Variants in MAMDC4 observed in about 807,000 individuals in gnomAD.
The protein encoded by MAMDC4 is apical endosomal glycoprotein.
MAMDC4 carries 168 observed loss-of-function variants against 153.3 expected under a neutral mutation model. The observed-to-expected ratio is 1.10, with a 90% confidence interval of 0.97 to 1.25. The LOEUF is 1.25. Among genes scored for constraint, MAMDC4 ranks in the 50% most tolerant of loss-of-function variants. MAMDC4 has a pLI of 0.00. For missense variants in MAMDC4, 1,701 were observed against 1,542.8 expected, an observed-to-expected ratio of 1.10 and a Z score of -1.72; for synonymous variants, 744 against 651.5, an observed-to-expected ratio of 1.14 and a Z score of -2.16.
rs771179244 is a variant in MAMDC4 at position 136,853,334 on chromosome 9, C to T, written c.204C>T (p.Phe68=). 1.7e-5 allele frequency: 28 copies of T among 1,605,602 alleles called. No individual in the cohort carries two copies. Among genetic ancestry groups the T allele is most frequent in the Admixed American group, 1.5e-4 (9 of 59,690 alleles). The part of the protein sequence containing the change: ...PTLGAPFACD[F]EQDPCGWRDI... ...TGGGCGCCCCCTTCGCCTGTGACTTCGAGCAGGACCCCTGCGGCTGGCGGG... is the reference window on the plus strand; with the variant it reads ...TGGGCGCCCCCTTCGCCTGTGACTTTGAGCAGGACCCCTGCGGCTGGCGGG... The change falls in exon 3 of 27, where the codon TTC becomes TTT. Residue 68 remains phenylalanine, a synonymous_variant. Transcript: ENST00000317446.
chr9:136,859,522 C>G (rs1023157709), intron 25 of MAMDC4: 5 of 612,554 alleles, frequency 8.2e-6, no homozygotes, highest in African/African-American at 7.4e-5. Flanking sequence ...CTGGGCTGTC[C>G]CTGGGGTGCA....
chr9:136,858,308 C>T, intron 21 of MAMDC4, 32 bp downstream of exon 21: 1 of 1,600,660 alleles, frequency 6.2e-7, no homozygotes, highest in African/African-American at 1.3e-5. Flanking sequence ...CGGCCCTGCT[C>T]TGGGGTGCCT....
intron 1 of MAMDC4, among the ~76,000 whole-genome samples, chr9:136,852,857 T>C (rs1274391747): frequency 4.6e-5 from 7 of 152,156 alleles, no homozygotes; most frequent in Non-Finnish European, 1.0e-4. Context: ...GCTACCTTTC[T>C]TGGGGTGCCC....
At position 136,859,775 on chromosome 9, in the gene MAMDC4, G is replaced by T. The variant is rs369621977; in HGVS notation, c.3194-111G>T. ...AATACCCTCTGCCTTTGAAATAGGG[G>T]TGAACCCCAGGAGCCAGCAGAGGCT... On this transcript the variant is annotated intron_variant, in intron 25 of 26. Coordinates refer to ENST00000317446, the MANE Select transcript of MAMDC4 (RefSeq NM_206920.3). 3.6e-5 allele frequency: 42 copies of T among 1,162,622 alleles called. No individual in the cohort carries two copies. In the East Asian group the frequency reaches 8.6e-4, roughly 24 times the overall value. The allele number at this position is 1,162,622 out of a possible 1,614,324, so 72.0% of individuals were successfully genotyped here.
Position 136,856,830 on chromosome 9 carries a change from G to A in MAMDC4, c.1837+4G>A. On this transcript the variant is annotated splice_donor_region_variant and intron_variant, in intron 15 of 26. Coordinates refer to ENST00000317446, the MANE Select transcript of MAMDC4 (RefSeq NM_206920.3). ...CACGACCACACCACAGGCCAAGGTA[G>A]GATGGGCGCTCAGACCGGGGGTGGC... The A allele has an allele frequency of 6.2e-7, 1 of 1,612,442 alleles. No individual in the cohort carries two copies. The highest frequency in any genetic ancestry group is 1.1e-5 in the South Asian group (1 of 90,990).
intron 14 of MAMDC4, 119 bp downstream of exon 14, chr9:136,856,268 C>G: frequency 6.6e-7 from 1 of 1,520,732 alleles, no homozygotes; most frequent in Non-Finnish European, 9.1e-7. Flanking sequence ...CTTCCTGGCA[C>G]TAGTTGTGGT....
At position 136,855,327 on chromosome 9, in the gene MAMDC4, G is replaced by C; in HGVS notation, c.1271G>C (p.Arg424Thr). The stretch of plus-strand genomic sequence containing the variant: ...GACCTCATCCTGTCTGACCACTGCA[G>C]ACCAGTCTCGGGTGAGCCTGCTGAC... Reference protein sequence around the residue: ...LDDLILSDHCRPVSEVSTLQP... With the variant: ...LDDLILSDHCTPVSEVSTLQP... Residue 424 changes from arginine to threonine, a missense_variant, in exon 11 of 27, where the codon AGA (arginine) becomes ACA (threonine). Arg to Thr is a moderately conservative substitution (Grantham distance 71, BLOSUM62 -1). Transcript: ENST00000317446. 1 of 1,606,480 alleles carries C rather than the reference G, an allele frequency of 6.2e-7. No individual in the cohort carries two copies. Among genetic ancestry groups the C allele is most frequent in the Non-Finnish European group, 8.5e-7 (1 of 1,176,288 alleles).
chr9:136,856,034 G>A lies in MAMDC4; in HGVS notation c.1605G>A (p.Leu535=), dbSNP rs772297046. 5 of 1,611,636 alleles carry A rather than the reference G, an allele frequency of 3.1e-6. No homozygotes were observed. The highest frequency in any genetic ancestry group is 4.2e-6 in the Non-Finnish European group (5 of 1,179,490). ...TTCCCCTAGGGCACTTCCTGTCTCT[G>A]CAGCGGGCCTGGGGGCAGCTAGGCG... ...SAAAAGHFLS[L]QRAWGQLGAE... The change falls in exon 14 of 27, where the codon CTG becomes CTA. Residue 535 remains leucine, a synonymous_variant. Transcript: ENST00000317446.
chr9:136,855,617 G>C lies in MAMDC4; in HGVS notation c.1469G>C (p.Cys490Ser). The C allele has an allele frequency of 6.3e-7, 1 of 1,576,516 alleles. No homozygotes were observed. Among genetic ancestry groups the C allele is most frequent in the East Asian group, 2.3e-5 (1 of 43,440 alleles). The change falls in exon 12 of 27, where the codon TGT (cysteine) becomes TCT (serine). Residue 490 changes from cysteine to serine, a missense_variant and splice_region_variant. By Grantham distance (112) the Cys-to-Ser change is moderately radical. Transcript: ENST00000317446. The stretch of plus-strand genomic sequence containing the variant: ...GCAGGGGGCGAGGACGAGCAGGCCT[G>C]TGGTAAAGGGGCTCAACCTCCTGCA... The part of the protein sequence containing the change: ...QCAGGEDEQA[C>S]GTTDFESPEA...
Position 136,860,749 on chromosome 9 carries a change from C to A in MAMDC4, c.*146C>A. The A allele has an allele frequency of 1.2e-6, 1 of 814,422 alleles. No homozygotes were observed. Among genetic ancestry groups the A allele is most frequent in the South Asian group, 1.6e-5 (1 of 62,084 alleles). The allele number at this position is 814,422 out of a possible 1,614,324, so 50.4% of individuals were successfully genotyped here. A position where few individuals can be genotyped will look rare whatever the true frequency, so the allele number is the denominator to read the frequency against. ...AGGCCTGGGCGTTCCCTGCCCTGTG[C>A]TGACTCTGTTGCTCTGTGAATAAAC... On this transcript the variant is annotated 3_prime_UTR_variant, in exon 27 of 27. Transcript: ENST00000317446.
At position 136,854,212 on chromosome 9, in the gene MAMDC4, C is replaced by G. The variant is rs1171433339; in HGVS notation, c.672C>G (p.Thr224=). 6 of 1,612,082 alleles carry G rather than the reference C, an allele frequency of 3.7e-6. No homozygotes were observed. Among genetic ancestry groups the G allele is most frequent in the Admixed American group, 1.7e-5 (1 of 59,924 alleles). ...DLEFWDCGLP[T]PQANCPPGHH... is the part of the protein sequence containing the mutation. ...AAGGGTTAACCCTGCCCCACCCAGC[C>G]CCCCAGGCCAACTGTCCCCCGGGAC... The change falls in exon 7 of 27, where the codon ACC becomes ACG. Residue 224 remains threonine (T), a splice_region_variant and synonymous_variant. Transcript: ENST00000317446.
In MAMDC4 at chr9:136,857,459, C is replaced by T. The variant is rs1564387949; in HGVS notation, c.2199C>T (p.Tyr733=). 1 of 1,608,992 alleles carries T rather than the reference C, an allele frequency of 6.2e-7. No individual in the cohort carries two copies. The highest frequency in any genetic ancestry group is 1.3e-5 in the African/African-American group (1 of 75,072). Residue 733 remains tyrosine (Y), a synonymous_variant, in exon 18 of 27, where the codon TAC becomes TAT. Coordinates refer to ENST00000317446, the MANE Select transcript of MAMDC4 (RefSeq NM_206920.3). ...VRPGPCWAPN[Y]CSFEDSDCGF... ...CGGGCCCCTGCTGGGCCCCTAATTA[C>T]TGCTCCTTTGAGGACTCAGACTGCG... is the stretch of plus-strand genomic sequence containing the variant.
intron 1 of MAMDC4, 22 bp downstream of exon 1, chr9:136,852,484 C>T (rs1195132135): frequency 1.2e-6 from 2 of 1,608,000 alleles, no homozygotes; most frequent in Admixed American, 1.7e-5. Context: ...GGTCCCACTC[C>T]TGAGGCAGGA....
rs1848949065 is a variant in MAMDC4, at chr9:136,853,086, G to C, written c.47-16G>C. On this transcript the variant is annotated splice_polypyrimidine_tract_variant and intron_variant, in intron 1 of 26. Coordinates refer to ENST00000317446, the MANE Select transcript of MAMDC4 (RefSeq NM_206920.3). Reference sequence around the variant, plus strand: ...CACCCTGCCCCCAGGCCACCTGGCTGTCAACCTCCCAGCAGCAGGGTCCTC... The same window carrying C: ...CACCCTGCCCCCAGGCCACCTGGCTCTCAACCTCCCAGCAGCAGGGTCCTC... The C allele has an allele frequency of 6.2e-7, 1 of 1,610,426 alleles. No homozygotes were observed.
rs1849035846 is a variant in MAMDC4, at chr9:136,858,226, A to C, written c.2624A>C (p.Tyr875Ser). The C allele has an allele frequency of 6.2e-7, 1 of 1,600,800 alleles. No homozygotes were observed. The highest frequency in any genetic ancestry group is 1.3e-5 in the African/African-American group (1 of 74,874). The change falls in exon 21 of 27, where the codon TAC (tyrosine) becomes TCC (serine). Residue 875 changes from tyrosine (Y) to serine (S), a missense_variant. By Grantham distance (144) the Tyr-to-Ser change is moderately radical. Coordinates refer to ENST00000317446, the MANE Select transcript of MAMDC4 (RefSeq NM_206920.3). ...GTGGCCGCAGGCGTGGCACACTCCT[A>C]CGTGGCTCTGGATGATCTGCTCCTC... The part of the protein sequence containing the change: ...EAVAAGVAHS[Y>S]VALDDLLLQD...
intron 14 of MAMDC4, 55 bp from the exon 15 acceptor site, chr9:136,856,655 G>A: frequency 6.4e-7 from 1 of 1,563,864 alleles, no homozygotes; most frequent in Non-Finnish European, 8.8e-7. Flanking sequence ...CACCTTCTCA[G>A]GGCTCTGGAG....
In MAMDC4 at chr9:136,858,560, G is replaced by T. The variant is rs1225815655; in HGVS notation, c.2821+14G>T. ...GCACAGAGGCAGGTACGTGCCCACTGGAGCCAGGTGGGGAGGCACACACAG... is the reference window on the plus strand; with the variant it reads ...GCACAGAGGCAGGTACGTGCCCACTTGAGCCAGGTGGGGAGGCACACACAG... On this transcript the variant is annotated intron_variant, in intron 22 of 26. Coordinates refer to ENST00000317446, the MANE Select transcript of MAMDC4 (RefSeq NM_206920.3). The T allele has an allele frequency of 6.4e-7, 1 of 1,563,010 alleles. No homozygotes were observed.
intron 16 of MAMDC4, 30 bp from the exon 17 acceptor site, chr9:136,857,135 G>A (rs892603923): frequency 6.2e-6 from 10 of 1,609,652 alleles, no homozygotes; most frequent in African/African-American, 4.0e-5. Context: ...CAGGAGAGAG[G>A]TCAGTTATGG....
At chr9:136,853,075 GC>G (rs1848948999) in intron 1 of MAMDC4, 26 bp from the exon 2 acceptor site, 1 of 1,604,828 alleles carries the variant, frequency 6.2e-7, no homozygotes, top group Non-Finnish European at 8.5e-7. Flanking sequence ...CTGCCCCCAG[GC>G]CACCTGGCTG....
Sources: allele counts gnomAD v4.1 joint callset (sites outside exome capture counted in the v4.1 genomes callset), GRCh38; gene constraint gnomAD v4.1.1; transcripts MANE v1.5; gene names NCBI Gene and HGNC (gene_info 2026-07-23, HGNC 2026-07-21).